DNAJC17: variants seen among roughly 807,000 people sequenced by gnomAD.
DNAJC17 encodes dnaJ homolog subfamily C member 17.
In DNAJC17, 35 loss-of-function variants were observed where a neutral mutation model predicts 48.1. The ratio of observed to expected loss-of-function variants is 0.73; its 90% confidence interval spans 0.56 to 0.96. The LOEUF (loss-of-function observed/expected upper bound fraction) is 0.96, where lower values mean the gene tolerates loss of function less well. Among genes scored for constraint, DNAJC17 ranks in the 50% least tolerant of loss-of-function variants. The probability of loss-of-function intolerance (pLI) is 0.00; values close to 1 mark genes in which losing one functional copy is unlikely to be tolerated. For missense variants in DNAJC17, 355 were observed against 377.1 expected (o/e 0.94, Z 0.48); for synonymous variants, 117 against 142.7 (o/e 0.82, Z 1.28).
At chr15:40,797,873 C>G (rs1889980386) in intron 1 of DNAJC17, among the ~76,000 whole-genome samples, 1 of 151,968 alleles carries the variant, frequency 6.6e-6, no homozygotes, top group Non-Finnish European at 1.5e-5. Context: ...AGGCACCCAC[C>G]ACCACGCCTG....
In DNAJC17 at chr15:40,767,368, C is replaced by T. The variant is rs1211993094; in HGVS notation, c.*572G>A. 1 of 1,590,022 alleles carries T rather than the reference C, an allele frequency of 6.3e-7. No individual in the cohort carries two copies. The highest frequency in any genetic ancestry group is 8.6e-7 in the Non-Finnish European group (1 of 1,169,048). On this transcript the variant is annotated 3_prime_UTR_variant, in exon 11 of 11. Transcript: ENST00000220496. The stretch of plus-strand genomic sequence containing the variant: ...GGAGTGACCTTCTCATGCTGATTTG[C>T]AGACGGGGCACCCCTGTGGAGGGGC...
chr15:40,781,096 A>C (rs1889473334), intron 1 of DNAJC17, among the ~76,000 whole-genome samples: 1 of 146,464 alleles, frequency 6.8e-6, no homozygotes, highest in African/African-American at 2.5e-5. Context: ...GGTTGCAGTG[A>C]GCCAAGATTG....
intron 1 of DNAJC17, among the ~76,000 whole-genome samples, chr15:40,799,523 C>T (rs1210411219): frequency 6.6e-6 from 1 of 152,084 alleles, no homozygotes; most frequent in African/African-American, 2.4e-5. Context: ...TACAGAAAGG[C>T]AGAGTTGAAC....
Position 40,774,339 on chromosome 15 carries a change from C to G in DNAJC17, c.681+17G>C, listed in dbSNP as rs756553381. 2 of 1,613,690 alleles carry G rather than the reference C, an allele frequency of 1.2e-6. No individual in the cohort carries two copies. Among genetic ancestry groups the G allele is most frequent in the Non-Finnish European group, 1.7e-6 (2 of 1,179,918 alleles). On this transcript the variant is annotated intron_variant, in intron 9 of 10. Coordinates refer to ENST00000220496, the MANE Select transcript of DNAJC17 (RefSeq NM_018163.3). The stretch of plus-strand genomic sequence containing the variant: ...GACAGGGCCACGAGGGGCCCCCAAG[C>G]CTCATGCAGCACTCACCGCTGCCTT...
intron 1 of DNAJC17, among the ~76,000 whole-genome samples, chr15:40,800,819 C>T (rs543852098): frequency 1.3e-5 from 2 of 151,930 alleles, no homozygotes; most frequent in Non-Finnish European, 2.9e-5. Flanking sequence ...ATTAGCCAGG[C>T]GTGGTGGCAG....
chr15:40,783,695 T>A (rs997322798), intron 1 of DNAJC17, among the ~76,000 whole-genome samples: 1 of 150,544 alleles, frequency 6.6e-6, no homozygotes, highest in Non-Finnish European at 1.5e-5. Context: ...GAAACTTGTA[T>A]CTACTAAAAA....
intron 1 of DNAJC17, among the ~76,000 whole-genome samples, chr15:40,784,257 G>A (rs1382706622): frequency 6.6e-6 from 1 of 152,062 alleles, no homozygotes; most frequent in Non-Finnish European, 1.5e-5. Flanking sequence ...AAGACAGAAG[G>A]GGTGTCCAGC....
intron 10 of DNAJC17, chr15:40,771,048 G>T (rs1184215625): frequency 1.9e-6 from 3 of 1,544,434 alleles, no homozygotes; most frequent in South Asian, 2.4e-5. Context: ...GGCAAAGCCG[G>T]GGTGACTGGA....
intron 1 of DNAJC17, chr15:40,807,016 A>G: frequency 1.9e-6 from 1 of 534,394 alleles, no homozygotes; most frequent in Admixed American, 3.4e-5. Flanking sequence ...GACTGAAATG[A>G]GGCACCTCTT....
intron 1 of DNAJC17, among the ~76,000 whole-genome samples, chr15:40,799,545 T>G (rs149533508): frequency 3.9e-5 from 6 of 152,302 alleles, no homozygotes; most frequent in Non-Finnish European, 8.8e-5. Context: ...TGTCCCTAAC[T>G]TGAAGAGGGA....
intron 8 of DNAJC17, 152 bp from the exon 9 acceptor site, chr15:40,774,588 G>T: frequency 2.4e-6 from 2 of 816,384 alleles, no homozygotes; most frequent in East Asian, 2.6e-5. Context: ...AGTGAAGTGA[G>T]ATCAGAGATA....
chr15:40,790,601 A>G (rs1324237277), intron 1 of DNAJC17, among the ~76,000 whole-genome samples: 1 of 152,088 alleles, frequency 6.6e-6, no homozygotes, highest in East Asian at 1.9e-4. Context: ...AAATAAAAAT[A>G]AAATAAGGTG....
intron 1 of DNAJC17, among the ~76,000 whole-genome samples, chr15:40,782,292 G>A (rs939085746): frequency 4.6e-5 from 7 of 152,088 alleles, no homozygotes; most frequent in South Asian, 2.1e-4. Context: ...ATAGTGGTGC[G>A]TGCCTGCAGT....
chr15:40,786,987 T>G (rs1889660413), intron 1 of DNAJC17, among the ~76,000 whole-genome samples: 1 of 152,208 alleles, frequency 6.6e-6, no homozygotes, highest in South Asian at 2.1e-4. Flanking sequence ...CGGAGAGTGG[T>G]GTCAGGCTTT....
At chr15:40,805,188 C>G (rs1316759922) in intron 1 of DNAJC17, among the ~76,000 whole-genome samples, 1 of 150,684 alleles carries the variant, frequency 6.6e-6, no homozygotes, top group Non-Finnish European at 1.5e-5. Context: ...CTGGCCTGGC[C>G]AACACGGTGA....
chr15:40,770,508 C>T lies in DNAJC17; in HGVS notation c.793-2446G>A, dbSNP rs1033569186. The T allele has an allele frequency of 2.1e-5, 32 of 1,549,254 alleles. No homozygotes were observed. In the Middle Eastern group the frequency reaches 5.2e-4, roughly 25 times the overall value. On this transcript the variant is annotated intron_variant, in intron 10 of 10. Transcript: ENST00000220496. The surrounding 1 kb of genome is among the most constrained non-coding windows in gnomAD (Gnocchi z 5.0). ...TCCCCTGGGCCCCATGGAGACCTGG[C>T]GGAAAGGCTCCTTCCGCAACGCCTC... is the stretch of plus-strand genomic sequence containing the variant.
At chr15:40,789,823 G>A (rs767575803) in intron 1 of DNAJC17, among the ~76,000 whole-genome samples, 1 of 141,810 alleles carries the variant, frequency 7.1e-6, no homozygotes, top group Non-Finnish European at 1.5e-5. Context: ...GGAGAATGGC[G>A]TGAACCCGGG....
chr15:40,775,458 C>T, intron 7 of DNAJC17, 95 bp downstream of exon 7: 3 of 1,404,648 alleles, frequency 2.1e-6, no homozygotes, highest in African/African-American at 2.8e-5. Flanking sequence ...ATCCAGCAGC[C>T]CCACCAGAAA....
intron 1 of DNAJC17, among the ~76,000 whole-genome samples, chr15:40,797,676 T>G (rs1477723979): frequency 6.6e-6 from 1 of 150,858 alleles, no homozygotes; most frequent in African/African-American, 2.4e-5. Flanking sequence ...CCTCCCAAAG[T>G]GCTGGGATTA....
Sources: gnomAD v4.1 joint callset for allele counts (sites outside exome capture counted in the v4.1 genomes callset) on GRCh38, gnomAD v4.1.1 for gene constraint, Gnocchi (gnomAD v3.1) non-coding constraint, MANE v1.5 for transcripts, NCBI Gene and HGNC (gene_info 2026-07-23, HGNC 2026-07-21) for gene names.